Variants in AP4E1 observed in about 807,000 individuals in gnomAD.
AP4E1 encodes adaptor related protein complex 4 subunit epsilon 1, also known as AP-4 complex subunit epsilon-1.
A neutral mutation model predicts 128.2 loss-of-function variants in AP4E1; 56 were observed. That is an observed-to-expected ratio of 0.44 (90% CI 0.35 to 0.55). The LOEUF is 0.55. AP4E1 is among the 20% of genes least tolerant of loss of function. AP4E1 has a pLI of 0.00. For synonymous variants in AP4E1, 484 were observed against 473.1 expected (o/e 1.02, Z -0.30); for missense variants, 1,324 against 1,307.7 (o/e 1.01, Z -0.19).
At chr15:50,968,918 A>G (rs901953674) in intron 15 of AP4E1, among the ~76,000 whole-genome samples, 3 of 151,964 alleles carry the variant, frequency 2.0e-5, no homozygotes, top group Admixed American at 1.3e-4. Flanking sequence ...GCGACTGGCC[A>G]TTATACTGAA....
intron 8 of AP4E1, among the ~76,000 whole-genome samples, chr15:50,937,088 A>G (rs1392381856): frequency 6.6e-6 from 1 of 152,174 alleles, no homozygotes; most frequent in Admixed American, 6.5e-5. Flanking sequence ...TTTTCTCTAT[A>G]TCTGTATTGA....
intron 15 of AP4E1, among the ~76,000 whole-genome samples, chr15:50,971,406 T>C (rs183795669): frequency 2.6e-5 from 4 of 152,312 alleles, no homozygotes; most frequent in Admixed American, 1.3e-4. Context: ...ACAGTTTGAC[T>C]AAAATGTGCC....
chr15:50,978,658 G>C (rs552675237), intron 15 of AP4E1, among the ~76,000 whole-genome samples: 1 of 152,272 alleles, frequency 6.6e-6, no homozygotes, highest in East Asian at 1.9e-4. Flanking sequence ...TCTGCCTCCA[G>C]CTTATGTTTT....
At chr15:50,939,807 A>G (rs1596471459) in intron 8 of AP4E1, among the ~76,000 whole-genome samples, 1 of 152,176 alleles carries the variant, frequency 6.6e-6, no homozygotes, top group African/African-American at 2.4e-5. Flanking sequence ...TGTGTCAGTT[A>G]TGTTGGAAAA....
At chr15:50,928,949 T>G in intron 5 of AP4E1, 60 bp from the exon 6 acceptor site, 1 of 1,557,352 alleles carries the variant, frequency 6.4e-7, no homozygotes, top group Non-Finnish European at 8.8e-7. Context: ...CCTATAATCT[T>G]TCAAAGTAAA....
At chr15:50,952,453 T>A (rs555180122) in intron 13 of AP4E1, among the ~76,000 whole-genome samples, 1 of 146,926 alleles carries the variant, frequency 6.8e-6, no homozygotes, top group African/African-American at 2.5e-5. Context: ...GAGGTTGCAG[T>A]GAACCAAGAT....
At position 50,999,235 on chromosome 15, in the gene AP4E1, T is replaced by G. The variant is rs1161795117; in HGVS notation, c.3068T>G (p.Val1023Gly). 1 of 1,612,206 alleles carries G rather than the reference T, an allele frequency of 6.2e-7. No individual in the cohort carries two copies. The part of the protein sequence containing the change: ...DTHSAQLEFS[V>G]NLSLLDFIRP... ...CATTCTGCTCAGCTGGAATTTTCTG[T>G]AAACTTATCACTATTAGATTTCATT... Residue 1023 changes from valine (V) to glycine (G), a missense_variant, in exon 19 of 21, where the codon GTA (valine) becomes GGA (glycine). Transcript: ENST00000261842.
chr15:50,984,598 G>A (rs1372596528), intron 16 of AP4E1, among the ~76,000 whole-genome samples: 7 of 151,810 alleles, frequency 4.6e-5, no homozygotes, highest in Non-Finnish European at 1.0e-4. Flanking sequence ...GAGAATGATG[G>A]TTTCCAGCTT....
At chr15:50,914,643 T>C (rs2063606310) in intron 2 of AP4E1, among the ~76,000 whole-genome samples, 1 of 93,210 alleles carries the variant, frequency 1.1e-5, no homozygotes, top group Non-Finnish European at 2.0e-5. Context: ...AGAGCGAGAC[T>C]CTGTCTCAAA....
intron 17 of AP4E1, among the ~76,000 whole-genome samples, chr15:50,995,070 A>T (rs931712809): frequency 1.3e-5 from 2 of 152,198 alleles, no homozygotes; most frequent in African/African-American, 4.8e-5. Context: ...ACAGTTAACA[A>T]TGACATAAAA....
chr15:50,984,427 A>G (rs1322091485), intron 16 of AP4E1, among the ~76,000 whole-genome samples: 2 of 151,856 alleles, frequency 1.3e-5, no homozygotes, highest in East Asian at 3.9e-4. Flanking sequence ...CATTTACATT[A>G]GGTATATCTC....
At chr15:50,937,577 G>A (rs2063923392) in intron 8 of AP4E1, among the ~76,000 whole-genome samples, 1 of 152,220 alleles carries the variant, frequency 6.6e-6, no homozygotes. Flanking sequence ...AAGGCAGAAT[G>A]TGAAGGGATG....
intron 3 of AP4E1, among the ~76,000 whole-genome samples, chr15:50,923,066 C>G (rs1463685980): frequency 6.6e-6 from 1 of 152,164 alleles, no homozygotes; most frequent in African/African-American, 2.4e-5. Flanking sequence ...CGTGAGCCAC[C>G]ACGCCCAGTC....
At chr15:50,927,683 G>A (rs1448867840) in intron 5 of AP4E1, among the ~76,000 whole-genome samples, 2 of 137,650 alleles carry the variant, frequency 1.5e-5, no homozygotes, top group East Asian at 4.1e-4. Flanking sequence ...TTTTTTTTTT[G>A]TGAAGAGTTT....
chr15:50,923,942 G>T lies in AP4E1; in HGVS notation c.358G>T (p.Val120Phe). 6.2e-7 allele frequency: 1 copy of T among 1,611,462 alleles called. No individual in the cohort carries two copies. The highest frequency in any genetic ancestry group is 1.3e-5 in the African/African-American group (1 of 74,958). ...LLEKRVGYLA[V>F]SLFLHESHEL... ...CTCAACTTTTATAGGTTATTTGGCT[G>T]TTTCCTTATTTCTACATGAAAGTCA... Residue 120 changes from valine (V) to phenylalanine (F), a missense_variant, in exon 4 of 21, where the codon GTT becomes TTT. Val to Phe is a conservative substitution (Grantham distance 50). Transcript: ENST00000261842.
chr15:50,938,356 C>G (rs1209451237), intron 8 of AP4E1, among the ~76,000 whole-genome samples: 1 of 152,122 alleles, frequency 6.6e-6, no homozygotes, highest in East Asian at 1.9e-4. Context: ...CCCCTCTATT[C>G]CTTCCAAGCA....
At chr15:50,910,852 C>T (rs774561064) in intron 1 of AP4E1, among the ~76,000 whole-genome samples, 4 of 152,180 alleles carry the variant, frequency 2.6e-5, no homozygotes, top group Non-Finnish European at 5.9e-5. Context: ...GACAGGGTTT[C>T]GCCATGTTGG....
At chr15:50,921,452 G>A (rs954722439) in intron 3 of AP4E1, among the ~76,000 whole-genome samples, 1 of 151,922 alleles carries the variant, frequency 6.6e-6, no homozygotes, top group African/African-American at 2.4e-5. Context: ...GGGTTCAAAC[G>A]ATTCTTATGC....
At chr15:50,945,407 T>C (rs1268394520) in intron 10 of AP4E1, 1 of 778,294 alleles carries the variant, frequency 1.3e-6, no homozygotes, top group Admixed American at 1.7e-5. Context: ...TGGAACCCTA[T>C]GGAAGCTTTC....
Sources: allele counts gnomAD v4.1 joint callset (sites outside exome capture counted in the v4.1 genomes callset), GRCh38; gene constraint gnomAD v4.1.1; transcripts MANE v1.5; gene names NCBI Gene and HGNC (gene_info 2026-07-23, HGNC 2026-07-21).